The following LNX2 variants were observed in gnomAD, a reference collection of about 807,000 sequenced individuals.
The protein encoded by LNX2 is ligand of numb-protein X 2.
In LNX2, 35 loss-of-function variants were observed where a neutral mutation model predicts 66.2. The ratio of observed to expected loss-of-function variants is 0.53; its 90% CI spans 0.40 to 0.70. The LOEUF (loss-of-function observed/expected upper bound fraction) is 0.70. Ranked by LOEUF, LNX2 falls within the 30% of genes least tolerant of loss-of-function variation. The pLI is 0.00. For missense variants in LNX2, 791 were observed against 850.8 expected, an observed-to-expected ratio of 0.93 and a Z score of 0.87; for synonymous variants, 337 against 315.6, an observed-to-expected ratio of 1.07 and a Z score of -0.72.
chr13:27,613,377 T>C (rs1365443180), intron 1 of LNX2, among the ~76,000 whole-genome samples: 1 of 151,968 alleles, frequency 6.6e-6, no homozygotes, highest in African/African-American at 2.4e-5. Flanking sequence ...GCTGCAAAGA[T>C]AGGAGAAGAG....
In LNX2 at chr13:27,550,572, T is replaced by C. The variant is rs1415132553; in HGVS notation, c.1779-81A>G. On this transcript the variant is annotated intron_variant, in intron 8 of 9. Coordinates refer to ENST00000316334, the MANE Select transcript of LNX2 (RefSeq NM_153371.4). ...TTATTTTTGTTATAACCCCATACCA[T>C]GTTATATTTACCACTCTTGGAAAAA... 7 of 1,005,514 alleles carry C rather than the reference T, an allele frequency of 7.0e-6. No individual in the cohort carries two copies. The Admixed American group carries it at 1.3e-4, about 19-fold the overall frequency. 62.3% of individuals were successfully genotyped at this position (1,005,514 alleles called of 1,614,324 possible). A position where few individuals can be genotyped will look rare whatever the true frequency, so the allele number is the denominator to read the frequency against.
At chr13:27,588,015 T>C (rs1475392977) in intron 1 of LNX2, among the ~76,000 whole-genome samples, 1 of 96,688 alleles carries the variant, frequency 1.0e-5, no homozygotes, top group Non-Finnish European at 2.0e-5. Context: ...TGCGAGACTC[T>C]TGTCACAAAA....
At chr13:27,565,817 C>T (rs1955198814) in intron 4 of LNX2, among the ~76,000 whole-genome samples, 1 of 152,146 alleles carries the variant, frequency 6.6e-6, no homozygotes, top group South Asian at 2.1e-4. Context: ...CCATGAAAAG[C>T]AGCATACAAG....
chr13:27,569,243 C>A lies in LNX2; in HGVS notation c.441G>T (p.Leu147=). Residue 147 remains leucine, a synonymous_variant, in exon 3 of 10, where the codon CTG becomes CTT. Transcript: ENST00000316334. ...CPGASHRRVA[L]ERRKTSRTQA... The stretch of plus-strand genomic sequence containing the variant: ...GAGTTCTACTAGTTTTCCTTCTCTC[C>A]AGGGCAACTCTCCGATGAGAAGCTC... 1 of 1,613,258 alleles carries A rather than the reference C, an allele frequency of 6.2e-7. No homozygotes were observed. Among genetic ancestry groups the A allele is most frequent in the Non-Finnish European group, 8.5e-7 (1 of 1,179,660 alleles).
chr13:27,553,011 C>A (rs1455515234), intron 8 of LNX2, among the ~76,000 whole-genome samples, 197 bp downstream of exon 8: 1 of 152,138 alleles, frequency 6.6e-6, no homozygotes, highest in Non-Finnish European at 1.5e-5. Flanking sequence ...GACACAACTG[C>A]TTTCTTTGTG....
At chr13:27,614,957 T>C (rs1955811039) in intron 1 of LNX2, among the ~76,000 whole-genome samples, 1 of 152,026 alleles carries the variant, frequency 6.6e-6, no homozygotes, top group East Asian at 1.9e-4. Flanking sequence ...ATTCTCTTAT[T>C]CAACACAACA....
chr13:27,580,770 T>A (rs534649665), intron 2 of LNX2, among the ~76,000 whole-genome samples: 162 of 152,278 alleles, frequency 1.1e-3, no homozygotes, highest in African/African-American at 3.8e-3. Flanking sequence ...AAAATTATCG[T>A]TTTTATTGGC....
At position 27,559,926 on chromosome 13, in the gene LNX2, G is replaced by A; in HGVS notation, c.1284C>T (p.Asn428=). 2 of 1,611,370 alleles carry A rather than the reference G, an allele frequency of 1.2e-6. No individual in the cohort carries two copies. Among genetic ancestry groups the A allele is most frequent in the Non-Finnish European group, 1.7e-6 (2 of 1,178,126 alleles). ...TATGATTTCCTGCTTCTCTAATGGT[G>A]TTACCAGGCTGGGGTTTCCCTGGTC... is the stretch of plus-strand genomic sequence containing the variant. ...IARPGKPQPG[N]TIREAGNHSS... Residue 428 remains asparagine, a synonymous_variant, in exon 6 of 10, where the codon AAC becomes AAT. Transcript: ENST00000316334.
intron 1 of LNX2, among the ~76,000 whole-genome samples, chr13:27,606,136 T>C (rs1465029802): frequency 6.6e-6 from 1 of 152,132 alleles, no homozygotes; most frequent in Non-Finnish European, 1.5e-5. Flanking sequence ...AGCAAACAGA[T>C]GTGTTAAACA....
intron 9 of LNX2, among the ~76,000 whole-genome samples, chr13:27,549,594 G>A (rs1268100053): frequency 6.6e-6 from 1 of 152,132 alleles, no homozygotes; most frequent in Admixed American, 6.5e-5. Flanking sequence ...ACCTTTCCAA[G>A]CCTCAGTTAT....
chr13:27,576,747 A>T (rs973558940), intron 2 of LNX2, among the ~76,000 whole-genome samples: 5 of 152,028 alleles, frequency 3.3e-5, no homozygotes, highest in Admixed American at 3.3e-4. Flanking sequence ...AAGAAAAGAA[A>T]GGCCTCAATA....
intron 1 of LNX2, among the ~76,000 whole-genome samples, chr13:27,602,540 T>TATAC (rs2138454974): frequency 6.6e-6 from 1 of 152,056 alleles, no homozygotes; most frequent in South Asian, 2.1e-4. Flanking sequence ...TGCTGTGGTA[T>TATAC]ATATCAGTAG....
At chr13:27,594,194 A>G (rs1955573437) in intron 1 of LNX2, among the ~76,000 whole-genome samples, 1 of 152,130 alleles carries the variant, frequency 6.6e-6, no homozygotes, top group African/African-American at 2.4e-5. Flanking sequence ...TTTAATTTGC[A>G]TCTTTTTTAG....
intron 1 of LNX2, among the ~76,000 whole-genome samples, chr13:27,582,154 C>T (rs1383900124): frequency 6.6e-6 from 1 of 152,018 alleles, no homozygotes; most frequent in African/African-American, 2.4e-5. Context: ...CTCAGCCTCC[C>T]GAGTAGCTGG....
intron 1 of LNX2, among the ~76,000 whole-genome samples, chr13:27,588,034 A>C (rs1482426631): frequency 1.0e-4 from 5 of 49,352 alleles, no homozygotes. Context: ...AAAAAAAAAA[A>C]AAAAAAAAAA....
At chr13:27,561,223 A>G (rs572597541) in intron 5 of LNX2, among the ~76,000 whole-genome samples, 1 of 152,358 alleles carries the variant, frequency 6.6e-6, no homozygotes, top group East Asian at 1.9e-4. Flanking sequence ...AGAATCATCC[A>G]ATTGAATGAA....
chr13:27,593,985 C>CA (rs1421029227), intron 1 of LNX2, among the ~76,000 whole-genome samples: 1 of 151,836 alleles, frequency 6.6e-6, no homozygotes, highest in African/African-American at 2.4e-5. Flanking sequence ...ATACAAACCC[C>CA]AAAAAAGTCA....
At chr13:27,597,126 A>G (rs1036055846) in intron 1 of LNX2, among the ~76,000 whole-genome samples, 3 of 151,136 alleles carry the variant, frequency 2.0e-5, no homozygotes, top group African/African-American at 7.4e-5. Context: ...GCCTATCCTT[A>G]TCAGAGATCA....
At chr13:27,574,656 T>G (rs1955323963) in intron 2 of LNX2, among the ~76,000 whole-genome samples, 1 of 151,962 alleles carries the variant, frequency 6.6e-6, no homozygotes, top group Admixed American at 6.6e-5. Flanking sequence ...GAAGAAATAA[T>G]GGCCAAAAAT....
Sources: gnomAD v4.1 joint callset for allele counts (sites outside exome capture counted in the v4.1 genomes callset) on GRCh38, gnomAD v4.1.1 for gene constraint, MANE v1.5 for transcripts, NCBI Gene and HGNC (gene_info 2026-07-23, HGNC 2026-07-21) for gene names.